SUSD1: variants seen among roughly 807,000 people sequenced by gnomAD.
SUSD1 encodes sushi domain-containing protein 1.
A neutral mutation model predicts 86.9 loss-of-function variants in SUSD1; 65 were observed. The ratio of observed to expected loss-of-function variants is 0.75; its 90% CI spans 0.61 to 0.92. The LOEUF (loss-of-function observed/expected upper bound fraction) is 0.92, where lower values mean the gene tolerates loss of function less well. Among genes scored for constraint, SUSD1 ranks in the 40% least tolerant of loss-of-function variants. SUSD1 has a pLI of 0.00. For synonymous variants in SUSD1, 346 were observed against 350.0 expected, an observed-to-expected ratio of 0.99 and a Z score of 0.13; for missense variants, 850 against 929.7, an observed-to-expected ratio of 0.91 and a Z score of 1.11.
chr9:112,063,122 G>T, intron 12 of SUSD1, 89 bp from the exon 13 acceptor site: 1 of 783,334 alleles, frequency 1.3e-6, no homozygotes, highest in Non-Finnish European at 2.2e-6. Flanking sequence ...CTATCAAAAA[G>T]AAAGTTTTAA....
chr9:112,138,266 C>CACATATATATATATATGTGTATATACAT (rs1554770381), intron 5 of SUSD1, among the ~76,000 whole-genome samples: 1 of 62,870 alleles, frequency 1.6e-5, no homozygotes, highest in African/African-American at 7.3e-5. Flanking sequence ...TGTGTATATA[C>CACATATATATATATATGTGTATATACAT]ATATATATAT....
intron 13 of SUSD1, 69 bp from the exon 14 acceptor site, chr9:112,058,755 T>C (rs1228958803): frequency 2.6e-6 from 4 of 1,563,776 alleles, no homozygotes; most frequent in Non-Finnish European, 2.6e-6. Flanking sequence ...TTCATATTTA[T>C]TGAGCACCTG....
At chr9:112,173,558 G>C in intron 1 of SUSD1, 2 of 343,118 alleles carry the variant, frequency 5.8e-6, no homozygotes, top group South Asian at 5.3e-5. Flanking sequence ...GAGCTCCTTC[G>C]GGAGTCTGAG....
At chr9:112,157,447 G>C (rs2131820888) in intron 2 of SUSD1, 53 bp downstream of exon 2, 2 of 1,284,086 alleles carry the variant, frequency 1.6e-6, no homozygotes, top group Middle Eastern at 1.9e-4. Flanking sequence ...TAATACAAGA[G>C]AATCTTGTTT....
At chr9:112,162,179 A>G (rs964968706) in intron 1 of SUSD1, among the ~76,000 whole-genome samples, 25 of 152,252 alleles carry the variant, frequency 1.6e-4, no homozygotes, top group African/African-American at 6.0e-4. Context: ...TGCAGAATAT[A>G]TGATGCACAA....
intron 15 of SUSD1, among the ~76,000 whole-genome samples, chr9:112,046,773 G>A (rs190568206): frequency 5.9e-5 from 9 of 152,146 alleles, no homozygotes; most frequent in African/African-American, 2.2e-4. Context: ...CTATTCTAGG[G>A]TCTTCTCACT....
At chr9:112,075,871 T>C (rs1829493593) in intron 12 of SUSD1, among the ~76,000 whole-genome samples, 1 of 152,178 alleles carries the variant, frequency 6.6e-6, no homozygotes, top group Admixed American at 6.5e-5. Flanking sequence ...TGAACAACTA[T>C]GGAGAAGCCA....
chr9:112,098,363 C>T (rs1321691710), intron 10 of SUSD1, 107 bp downstream of exon 10: 3 of 1,132,478 alleles, frequency 2.6e-6, no homozygotes, highest in Non-Finnish European at 3.8e-6. Context: ...AGAACTGGAA[C>T]CCCTGTCTCT....
chr9:112,053,733 A>C (rs1828327875), intron 14 of SUSD1, among the ~76,000 whole-genome samples: 1 of 152,180 alleles, frequency 6.6e-6, no homozygotes, highest in Non-Finnish European at 1.5e-5. Context: ...AAGGAGAGAA[A>C]CTGGCAGGGG....
At chr9:112,166,809 C>T (rs1333444178) in intron 1 of SUSD1, among the ~76,000 whole-genome samples, 3 of 152,160 alleles carry the variant, frequency 2.0e-5, no homozygotes, top group Non-Finnish European at 4.4e-5. Context: ...GAGGGAATGA[C>T]TGCAGAGGTG....
At chr9:112,174,083 G>A (rs1834165454) in intron 1 of SUSD1, 1 of 156,172 alleles carries the variant, frequency 6.4e-6, no homozygotes, top group African/African-American at 2.4e-5. Context: ...AAGTCCAAAG[G>A]CCTAGGTCTG....
At chr9:112,158,531 A>G (rs1022637751) in intron 1 of SUSD1, among the ~76,000 whole-genome samples, 1 of 152,022 alleles carries the variant, frequency 6.6e-6, no homozygotes, top group Non-Finnish European at 1.5e-5. Flanking sequence ...AGCTGGGACT[A>G]CAGGCGCACA....
Position 112,165,990 on chromosome 9 carries a change from A to AAAGG in SUSD1, c.104-8378_104-8377insCCTT, listed in dbSNP as rs1564358444. On this transcript the variant is annotated intron_variant, in intron 1 of 16. Coordinates refer to ENST00000374270, the MANE Select transcript of SUSD1 (RefSeq NM_022486.5). ...GAAAGAAAGAAAGAAAGAAAGAAAG[A>AAAGG]AAGAAAATAATTTAGCATAAGTATA... Among the ~76,000 whole-genome samples, 19 of 151,790 alleles carry AAAGG rather than the reference A, an allele frequency of 1.3e-4. No homozygotes were observed. In the East Asian group the frequency reaches 3.5e-3, roughly 28 times the overall value.
intron 8 of SUSD1, chr9:112,103,127 A>G (rs894416106): frequency 4.4e-6 from 2 of 459,040 alleles, no homozygotes; most frequent in Admixed American, 2.6e-5. Context: ...TTTTATAACT[A>G]CCTTTTATAT....
intron 6 of SUSD1, among the ~76,000 whole-genome samples, chr9:112,115,808 C>CAAAAAAAAAAAAAAAAAAAAAAAAAAA (rs1406590665): frequency 1.7e-5 from 1 of 59,592 alleles, no homozygotes; most frequent in Non-Finnish European, 3.3e-5. Context: ...GACTCCATTG[C>CAAAAAAAAAAAAAAAAAAAAAAAAAAA]AAAAAAAAAA....
At chr9:112,094,407 G>A (rs1020947386) in intron 10 of SUSD1, among the ~76,000 whole-genome samples, 1 of 152,186 alleles carries the variant, frequency 6.6e-6, no homozygotes, top group Non-Finnish European at 1.5e-5. Context: ...GCTTTTAAAT[G>A]GCCCTGGATG....
At chr9:112,087,916 A>G (rs971111924) in intron 10 of SUSD1, among the ~76,000 whole-genome samples, 1 of 152,220 alleles carries the variant, frequency 6.6e-6, no homozygotes, top group Non-Finnish European at 1.5e-5. Flanking sequence ...CAACCCCAAA[A>G]TGTATCCAAG....
chr9:112,089,942 C>T (rs893470685), intron 10 of SUSD1, among the ~76,000 whole-genome samples: 2 of 151,992 alleles, frequency 1.3e-5, no homozygotes, highest in Non-Finnish European at 2.9e-5. Context: ...GCTGACAGTT[C>T]TGTCACAACT....
At chr9:112,167,175 C>A (rs1394539637) in intron 1 of SUSD1, among the ~76,000 whole-genome samples, 1 of 152,030 alleles carries the variant, frequency 6.6e-6, no homozygotes, top group Non-Finnish European at 1.5e-5. Flanking sequence ...TGGTTCACTG[C>A]AGCCTCGACC....
Sources: allele counts gnomAD v4.1 joint callset (sites outside exome capture counted in the v4.1 genomes callset), GRCh38; gene constraint gnomAD v4.1.1; transcripts MANE v1.5; gene names NCBI Gene and HGNC (gene_info 2026-07-23, HGNC 2026-07-21).